Variants in SRRM4 observed in about 807,000 individuals in gnomAD.
SRRM4 encodes serine/arginine repetitive matrix protein 4.
SRRM4 carries 33 observed loss-of-function variants against 68.9 expected under a neutral mutation model. The ratio of observed to expected loss-of-function variants is 0.48; its 90% CI spans 0.36 to 0.64. SRRM4 has a LOEUF of 0.64. Among genes scored for constraint, SRRM4 ranks in the 30% least tolerant of loss-of-function variants. SRRM4 has a pLI of 0.00. For missense variants in SRRM4, 817 were observed against 827.1 expected, an observed-to-expected ratio of 0.99 and a Z score of 0.15; for synonymous variants, 318 against 318.8, an observed-to-expected ratio of 1.00 and a Z score of 0.03.
intron 4 of SRRM4, among the ~76,000 whole-genome samples, chr12:119,117,596 G>GCACACACACATACACACA (rs1954188967): frequency 6.7e-6 from 1 of 150,296 alleles, no homozygotes; most frequent in Admixed American, 6.6e-5. Context: ...TGTTCACTGT[G>GCACACACACATACACACA]CACACACACA....
rs564294478 is a variant in SRRM4, at chr12:119,068,900, C to T, written c.132-33336C>T. Among the ~76,000 whole-genome samples the T allele has an allele frequency of 5.3e-5, 8 of 151,996 alleles. 1 individual carries two copies. Among genetic ancestry groups the T allele is most frequent in the Middle Eastern group, 6.8e-3 (2 of 292 alleles). On this transcript the variant is annotated intron_variant, in intron 1 of 12. Transcript: ENST00000267260. ...TACATGAGGCGTCGGGAGGGGAGGG[C>T]GACGAGTGATGATTTGGGGTTTATC...
intron 3 of SRRM4, among the ~76,000 whole-genome samples, chr12:119,114,991 GA>G (rs1300922561): frequency 6.6e-6 from 1 of 151,604 alleles, no homozygotes; most frequent in East Asian, 1.9e-4. Flanking sequence ...CATGAATATT[GA>G]ATTATTTTTT....
At chr12:119,019,449 T>A (rs1041728794) in intron 1 of SRRM4, among the ~76,000 whole-genome samples, 28 of 152,080 alleles carry the variant, frequency 1.8e-4, no homozygotes, top group African/African-American at 5.8e-4. Context: ...AGGGCTTGAA[T>A]TCCCCCCCTC....
chr12:119,051,176 T>G (rs1953740171), intron 1 of SRRM4, among the ~76,000 whole-genome samples: 1 of 152,192 alleles, frequency 6.6e-6, no homozygotes, highest in Non-Finnish European at 1.5e-5. Flanking sequence ...CCCAGTAGTG[T>G]CATGGTTGGA....
At chr12:119,010,153 A>G (rs1310904377) in intron 1 of SRRM4, among the ~76,000 whole-genome samples, 1 of 152,224 alleles carries the variant, frequency 6.6e-6, no homozygotes, top group Non-Finnish European at 1.5e-5. Context: ...CCCAGGTTCA[A>G]GCAATTCTCC....
At chr12:119,112,550 A>G (rs1954151401) in intron 2 of SRRM4, among the ~76,000 whole-genome samples, 1 of 152,256 alleles carries the variant, frequency 6.6e-6, no homozygotes, top group African/African-American at 2.4e-5. Context: ...AAATGAACCC[A>G]AATGCCCATC....
Position 119,156,583 on chromosome 12 carries a change from A to G in SRRM4, c.1621A>G (p.Ser541Gly), listed in dbSNP as rs1954472892. The stretch of plus-strand genomic sequence containing the variant: ...CACCTCCTCCTGGTACAGCAGCAGC[A>G]GTAGCCGCTCGGCCAGCCGCAGCTA... ...SSTSSWYSSS[S>G]SRSASRSYSR... The change falls in exon 13 of 13, where the codon AGT becomes GGT. Residue 541 changes from serine to glycine, a missense_variant. Ser to Gly is a moderately conservative substitution (Grantham distance 56). Coordinates refer to ENST00000267260, the MANE Select transcript of SRRM4 (RefSeq NM_194286.4). The G allele has an allele frequency of 6.2e-7, 1 of 1,610,214 alleles. No individual in the cohort carries two copies. Among genetic ancestry groups the G allele is most frequent in the African/African-American group, 1.3e-5 (1 of 74,974 alleles).
intron 1 of SRRM4, among the ~76,000 whole-genome samples, chr12:119,088,610 G>A (rs1953994038): frequency 6.6e-6 from 1 of 151,788 alleles, no homozygotes; most frequent in Non-Finnish European, 1.5e-5. Context: ...GTGATGTCTT[G>A]GAGGGATTCA....
intron 1 of SRRM4, among the ~76,000 whole-genome samples, chr12:119,079,644 C>T (rs1953936295): frequency 6.6e-6 from 1 of 152,160 alleles, no homozygotes; most frequent in Non-Finnish European, 1.5e-5. Context: ...CACACTTTGT[C>T]GGGAGAGTTG....
chr12:119,023,017 C>T (rs945521805), intron 1 of SRRM4, among the ~76,000 whole-genome samples: 4 of 152,150 alleles, frequency 2.6e-5, no homozygotes, highest in Non-Finnish European at 5.9e-5. Context: ...CTTGAAGCCC[C>T]CCAGAATTAT....
intron 1 of SRRM4, among the ~76,000 whole-genome samples, chr12:119,045,450 C>G (rs1018444272): frequency 1.3e-5 from 2 of 151,892 alleles, no homozygotes; most frequent in African/African-American, 2.4e-5. Context: ...GTCTCTGCCC[C>G]CTATGCCCCA....
intron 1 of SRRM4, among the ~76,000 whole-genome samples, chr12:119,081,179 A>G (rs4767769): frequency 0.037 from 5,690 of 152,314 alleles, 194 homozygotes; most frequent in East Asian, 0.12. Context: ...CTCGTCCAAT[A>G]AACAGCACAA....
At chr12:119,082,408 A>G (rs1194953048) in intron 1 of SRRM4, among the ~76,000 whole-genome samples, 1 of 152,212 alleles carries the variant, frequency 6.6e-6, no homozygotes, top group Non-Finnish European at 1.5e-5. Flanking sequence ...GGGCTTTGGC[A>G]GAAAACCTTT....
chr12:119,090,700 C>T (rs1954009412), intron 1 of SRRM4, among the ~76,000 whole-genome samples: 2 of 152,260 alleles, frequency 1.3e-5, no homozygotes, highest in South Asian at 2.1e-4. Flanking sequence ...TTTCTTAGCC[C>T]CTAACTCACC....
At position 119,092,460 on chromosome 12, in the gene SRRM4, A is replaced by G. The variant is rs370348029; in HGVS notation, c.132-9776A>G. Among the ~76,000 whole-genome samples the G allele has an allele frequency of 4.2e-3, 323 of 76,626 alleles. 3 individuals are homozygous for G. Among genetic ancestry groups the G allele is most frequent in the African/African-American group, 0.019 (314 of 16,240 alleles). The allele number at this position is 76,626 out of a possible 152,430, so 50.3% of individuals were successfully genotyped here. A position where few individuals can be genotyped will look rare whatever the true frequency, so the allele number is the denominator to read the frequency against. ...AGACTCTTCCAAAACATGCTTCCCC[A>G]TCTCAGTTGTTCCAGCTCAGTGATT... On this transcript the variant is annotated intron_variant, in intron 1 of 12. Coordinates refer to ENST00000267260, the MANE Select transcript of SRRM4 (RefSeq NM_194286.4).
chr12:118,992,241 G>A (rs140653149), intron 1 of SRRM4: 17 of 152,268 alleles, frequency 1.1e-4, no homozygotes, highest in African/African-American at 3.4e-4. Flanking sequence ...TTTGCCCAAC[G>A]TCAGGGCTCT....
rs1034840559 is a variant in SRRM4 at position 119,072,603 on chromosome 12, G to A, written c.132-29633G>A. On this transcript the variant is annotated intron_variant, in intron 1 of 12. Coordinates refer to ENST00000267260, the MANE Select transcript of SRRM4 (RefSeq NM_194286.4). ...ATAAGGAGATTAATCAGTCCATTAC[G>A]CAGGGGCTGTTTTACCCGCAGATTG... Among the ~76,000 whole-genome samples, 9 of 143,168 alleles carry A rather than the reference G, an allele frequency of 6.3e-5. No homozygotes were observed. The South Asian group carries it at 6.8e-4, about 11-fold the overall frequency. The allele number at this position is 143,168 out of a possible 152,430, so 93.9% of individuals were successfully genotyped here.
intron 1 of SRRM4, among the ~76,000 whole-genome samples, chr12:119,061,194 C>G (rs949538500): frequency 1.3e-5 from 2 of 152,218 alleles, no homozygotes; most frequent in Non-Finnish European, 2.9e-5. Flanking sequence ...AAGCCCCAGA[C>G]CGAAAATTCT....
In SRRM4 at chr12:119,154,478, G is replaced by C. The variant is rs2136070397; in HGVS notation, c.1532+95G>C. 7.0e-7 allele frequency: 1 copy of C among 1,433,256 alleles called. No individual in the cohort carries two copies. Among genetic ancestry groups the C allele is most frequent in the African/African-American group, 1.4e-5 (1 of 70,496 alleles). 88.8% of individuals were successfully genotyped at this position (1,433,256 alleles called of 1,614,324 possible). A position where few individuals can be genotyped will look rare whatever the true frequency, so the allele number is the denominator to read the frequency against. The stretch of plus-strand genomic sequence containing the variant: ...TCAGGCTCTCCCTAGGCCTCCTTGG[G>C]GCTGGGATTTAGGATTGTGCGAGCT... On this transcript the variant is annotated intron_variant, in intron 12 of 12. Transcript: ENST00000267260. The surrounding 1 kb of genome is among the most constrained non-coding windows in gnomAD (Gnocchi z 4.7).
Sources: allele counts gnomAD v4.1 joint callset (sites outside exome capture counted in the v4.1 genomes callset), GRCh38; gene constraint gnomAD v4.1.1; non-coding constraint Gnocchi (gnomAD v3.1); transcripts MANE v1.5; gene names NCBI Gene and HGNC (gene_info 2026-07-23, HGNC 2026-07-21).